Variants in AIG1 observed in about 807,000 individuals in gnomAD.
The protein encoded by AIG1 is androgen-induced gene 1 protein.
AIG1 carries 23 observed loss-of-function variants against 31.4 expected under a neutral mutation model. The observed-to-expected ratio is 0.73, with a 90% CI of 0.53 to 1.04. The LOEUF (loss-of-function observed/expected upper bound fraction) is 1.04, where lower values mean the gene tolerates loss of function less well. Among genes scored for constraint, AIG1 ranks in the 50% least tolerant of loss-of-function variants. The probability of loss-of-function intolerance (pLI) is 0.00; values close to 1 mark genes in which losing one functional copy is unlikely to be tolerated. For missense variants in AIG1, 274 were observed against 295.0 expected (o/e 0.93, Z 0.52); for synonymous variants, 100 against 110.5 (o/e 0.90, Z 0.60).
intron 3 of AIG1, among the ~76,000 whole-genome samples, chr6:143,264,209 G>A (rs569072692): frequency 5.9e-5 from 9 of 151,948 alleles, no homozygotes; most frequent in East Asian, 1.9e-4. Context: ...TAATTTTTTC[G>A]CCCCTTTCAT....
chr6:143,171,442 A>T (rs1373988765), intron 3 of AIG1, among the ~76,000 whole-genome samples: 50 of 83,876 alleles, frequency 6.0e-4, no homozygotes, highest in Admixed American at 2.6e-3. Context: ...ATATATATAT[A>T]ATATATATAT....
At chr6:143,165,277 A>G (rs1786815415) in intron 3 of AIG1, 94 bp downstream of exon 3, 1 of 932,318 alleles carries the variant, frequency 1.1e-6, no homozygotes, top group Admixed American at 2.2e-5. Context: ...AATTTGCCTA[A>G]AAAGCCATGA....
At chr6:143,080,814 A>G (rs539930490) in intron 1 of AIG1, among the ~76,000 whole-genome samples, 1 of 151,740 alleles carries the variant, frequency 6.6e-6, no homozygotes, top group African/African-American at 2.4e-5. Flanking sequence ...CCAAGACTCC[A>G]CTCCAGCCAC....
intron 3 of AIG1, among the ~76,000 whole-genome samples, chr6:143,183,144 G>T (rs369455226): frequency 6.7e-6 from 1 of 149,700 alleles, no homozygotes; most frequent in Non-Finnish European, 1.5e-5. Context: ...CATATTAATT[G>T]TTTTATCTGG....
At chr6:143,076,759 G>A (rs925459049) in intron 1 of AIG1, among the ~76,000 whole-genome samples, 6 of 149,884 alleles carry the variant, frequency 4.0e-5, no homozygotes, top group African/African-American at 7.4e-5. Flanking sequence ...TGCAAGCTCC[G>A]CTTCCTGGTT....
At chr6:143,275,865 C>T (rs1479621937) in intron 3 of AIG1, among the ~76,000 whole-genome samples, 1 of 152,122 alleles carries the variant, frequency 6.6e-6, no homozygotes, top group Non-Finnish European at 1.5e-5. Context: ...GGGAAATCTT[C>T]GTGGAAGAAA....
chr6:143,103,281 A>G (rs543161993), intron 1 of AIG1, among the ~76,000 whole-genome samples: 15 of 152,256 alleles, frequency 9.9e-5, no homozygotes, highest in South Asian at 8.3e-4. Flanking sequence ...ACAAATGATT[A>G]AAAACTCTAC....
At chr6:143,312,638 A>G (rs1375122636) in intron 4 of AIG1, among the ~76,000 whole-genome samples, 1 of 152,144 alleles carries the variant, frequency 6.6e-6, no homozygotes, top group Admixed American at 6.6e-5. Flanking sequence ...TCTCTAGGAC[A>G]TTGGACTGGC....
chr6:143,215,882 A>G (rs992626825), intron 3 of AIG1, among the ~76,000 whole-genome samples: 3 of 152,184 alleles, frequency 2.0e-5, no homozygotes, highest in African/African-American at 7.2e-5. Context: ...TAGTCCATAC[A>G]GTCTCAGACA....
rs550729984 is a variant in AIG1, at chr6:143,129,970, C to T, written c.142-6865C>T. 2.1e-5 allele frequency among the ~76,000 whole-genome samples: 3 copies of T among 142,934 alleles called. No individual in the cohort carries two copies. The East Asian group carries it at 6.2e-4, about 29-fold the overall frequency. The allele number at this position is 142,934 out of a possible 152,430, so 93.8% of individuals were successfully genotyped here. A position where few individuals can be genotyped will look rare whatever the true frequency, so the allele number is the denominator to read the frequency against. ...TTTTTTGGACGATGTCTCCCTTGGT[C>T]ACCAGGCTGGAGTGCAGTGGCATGA... On this transcript the variant is annotated intron_variant, in intron 1 of 5. Coordinates refer to ENST00000357847, the MANE Select transcript of AIG1 (RefSeq NM_016108.4).
intron 5 of AIG1, among the ~76,000 whole-genome samples, chr6:143,336,074 G>T (rs765639992): frequency 4.6e-5 from 7 of 152,096 alleles, no homozygotes; most frequent in Non-Finnish European, 7.3e-5. Flanking sequence ...GATTCTGTTA[G>T]CTGTTGAGTC....
intron 3 of AIG1, chr6:143,187,840 T>G: frequency 6.9e-7 from 1 of 1,458,126 alleles, no homozygotes; most frequent in Non-Finnish European, 9.0e-7. Context: ...GAAGTGCCAT[T>G]TCTCAAGCGA....
At chr6:143,312,623 G>A (rs970451405) in intron 4 of AIG1, among the ~76,000 whole-genome samples, 1 of 151,928 alleles carries the variant, frequency 6.6e-6, no homozygotes, top group African/African-American at 2.4e-5. Flanking sequence ...AAACATTGGG[G>A]AAATTCTCTA....
chr6:143,210,877 C>A (rs1257570230), intron 3 of AIG1, among the ~76,000 whole-genome samples: 2 of 152,130 alleles, frequency 1.3e-5, no homozygotes, highest in East Asian at 3.9e-4. Context: ...TAACATACAG[C>A]CTTCCACATA....
chr6:143,327,823 C>T lies in AIG1; in HGVS notation c.516-5459C>T, dbSNP rs934739371. Among the ~76,000 whole-genome samples, 5 of 151,872 alleles carry T rather than the reference C, an allele frequency of 3.3e-5. No homozygotes were observed. Among genetic ancestry groups the T allele is most frequent in the Non-Finnish European group, 7.4e-5 (5 of 67,984 alleles). On this transcript the variant is annotated intron_variant, in intron 4 of 5. Coordinates refer to ENST00000357847, the MANE Select transcript of AIG1 (RefSeq NM_016108.4). The surrounding 1 kb of genome is among the most constrained non-coding windows in gnomAD (Gnocchi z 5.3). The stretch of plus-strand genomic sequence containing the variant: ...GTACTATTTGCAGAAATAAGAAATA[C>T]TGGAGGTTTGGGGAGAAAGAACATG...
chr6:143,305,754 A>T (rs1438760436), intron 4 of AIG1, among the ~76,000 whole-genome samples: 2 of 152,000 alleles, frequency 1.3e-5, no homozygotes, highest in East Asian at 3.9e-4. Flanking sequence ...CTTGGTGCAG[A>T]GCTGAGTTCA....
intron 1 of AIG1, among the ~76,000 whole-genome samples, chr6:143,065,097 G>A (rs1043624705): frequency 6.6e-6 from 1 of 152,178 alleles, no homozygotes; most frequent in Non-Finnish European, 1.5e-5. Flanking sequence ...GGTAGGGCAG[G>A]GACAAGTCAC....
At chr6:143,061,405 G>C (rs201021068) in intron 1 of AIG1, 5 of 415,460 alleles carry the variant, frequency 1.2e-5, no homozygotes, top group African/African-American at 1.1e-4. Flanking sequence ...TTCAACAAAA[G>C]CATCGGACCT....
intron 3 of AIG1, among the ~76,000 whole-genome samples, chr6:143,200,172 G>A (rs1583488790): frequency 6.6e-6 from 1 of 152,176 alleles, no homozygotes; most frequent in East Asian, 1.9e-4. Context: ...TCAAAATACA[G>A]TATTGGAGCA....
Sources: gnomAD v4.1 joint callset for allele counts (sites outside exome capture counted in the v4.1 genomes callset) on GRCh38, gnomAD v4.1.1 for gene constraint, Gnocchi (gnomAD v3.1) non-coding constraint, MANE v1.5 for transcripts, NCBI Gene and HGNC (gene_info 2026-07-23, HGNC 2026-07-21) for gene names.